The following RNGTT variants were observed in gnomAD, a reference collection of about 807,000 sequenced individuals.
RNGTT encodes the protein mRNA-capping enzyme.
RNGTT carries 33 observed loss-of-function variants against 79.3 expected under a neutral mutation model. That is an observed-to-expected ratio of 0.42 (90% CI 0.32 to 0.56). The LOEUF is 0.56. RNGTT is among the 20% of genes least tolerant of loss of function. The pLI is 0.17. For missense variants in RNGTT, 497 were observed against 739.1 expected (o/e 0.67, Z 3.80); for synonymous variants, 222 against 235.9 (o/e 0.94, Z 0.54).
chr6:88,742,463 T>C (rs1014613994), intron 13 of RNGTT, among the ~76,000 whole-genome samples: 1 of 152,242 alleles, frequency 6.6e-6, no homozygotes, highest in Non-Finnish European at 1.5e-5. Context: ...AGTTAACATA[T>C]CATGATAGCT....
chr6:88,658,500 A>G (rs1337019195), intron 14 of RNGTT, among the ~76,000 whole-genome samples: 1 of 152,222 alleles, frequency 6.6e-6, no homozygotes, highest in Non-Finnish European at 1.5e-5. Context: ...GGGCAATAGT[A>G]ATCATTGCAA....
chr6:88,942,750 T>C (rs1474185280), intron 1 of RNGTT, among the ~76,000 whole-genome samples: 1 of 152,182 alleles, frequency 6.6e-6, no homozygotes, highest in Admixed American at 6.5e-5. Flanking sequence ...TTAAGCTAAA[T>C]TTCATGAAAA....
At chr6:88,736,468 ATAAC>A (rs1246583222) in intron 13 of RNGTT, among the ~76,000 whole-genome samples, 3 of 152,218 alleles carry the variant, frequency 2.0e-5, no homozygotes, top group African/African-American at 4.8e-5. Context: ...CAGGAGAATG[ATAAC>A]TAACTTCTCT....
intron 14 of RNGTT, among the ~76,000 whole-genome samples, chr6:88,668,256 C>T (rs1403594045): frequency 2.6e-5 from 4 of 152,106 alleles, no homozygotes; most frequent in African/African-American, 9.7e-5. Context: ...GGAATTCCGG[C>T]CTGGATCCAC....
intron 13 of RNGTT, among the ~76,000 whole-genome samples, chr6:88,685,848 C>T (rs1397252891): frequency 6.6e-6 from 1 of 151,686 alleles, no homozygotes; most frequent in East Asian, 1.9e-4. Context: ...AGGAAACACA[C>T]TTAATGGGGA....
chr6:88,794,175 C>A (rs1292909809), intron 12 of RNGTT, among the ~76,000 whole-genome samples: 3 of 152,106 alleles, frequency 2.0e-5, no homozygotes, highest in African/African-American at 7.2e-5. Flanking sequence ...AACCAGAGAC[C>A]ACTCCTAACC....
chr6:88,868,902 AT>A (rs1396388530), intron 8 of RNGTT, among the ~76,000 whole-genome samples: 1 of 152,156 alleles, frequency 6.6e-6, no homozygotes, highest in African/African-American at 2.4e-5. Flanking sequence ...TCAGAAAAAA[AT>A]TTTACTGAAA....
chr6:88,928,975 C>T lies in RNGTT; in HGVS notation c.367+10G>A. 1 of 1,586,798 alleles carries T rather than the reference C, an allele frequency of 6.3e-7. No individual in the cohort carries two copies. Among genetic ancestry groups the T allele is most frequent in the Non-Finnish European group, 8.6e-7 (1 of 1,166,366 alleles). On this transcript the variant is annotated intron_variant, in intron 4 of 15. Coordinates refer to ENST00000369485, the MANE Select transcript of RNGTT (RefSeq NM_003800.5). ...AATATTCAACAGTGGCAAAGTAAAGCCAAACATACCTATAAGTTCAGGTGG... is the reference window on the plus strand; with the variant it reads ...AATATTCAACAGTGGCAAAGTAAAGTCAAACATACCTATAAGTTCAGGTGG...
intron 6 of RNGTT, among the ~76,000 whole-genome samples, chr6:88,894,540 T>C (rs1783164128): frequency 6.6e-6 from 1 of 152,118 alleles, no homozygotes; most frequent in South Asian, 2.1e-4. Flanking sequence ...CTGCCCCATT[T>C]ACAAACATGG....
intron 11 of RNGTT, among the ~76,000 whole-genome samples, chr6:88,815,738 A>G (rs1780294028): frequency 6.6e-6 from 1 of 152,206 alleles, no homozygotes; most frequent in South Asian, 2.1e-4. Context: ...TTCTCTGTTA[A>G]TGAGTAAAGT....
chr6:88,913,281 T>C (rs906333259), intron 4 of RNGTT, among the ~76,000 whole-genome samples: 1 of 142,700 alleles, frequency 7.0e-6, no homozygotes, highest in Non-Finnish European at 1.5e-5. Flanking sequence ...CTACCAGAGA[T>C]ACAAAGAAGA....
chr6:88,871,537 C>CTAGAT (rs968250877), intron 8 of RNGTT, among the ~76,000 whole-genome samples: 1 of 152,010 alleles, frequency 6.6e-6, no homozygotes, highest in East Asian at 1.9e-4. Flanking sequence ...ACCTCTTGGG[C>CTAGAT]TAGATTAGAT....
At chr6:88,713,365 C>T (rs1776385212) in intron 13 of RNGTT, among the ~76,000 whole-genome samples, 1 of 151,934 alleles carries the variant, frequency 6.6e-6, no homozygotes, top group Non-Finnish European at 1.5e-5. Context: ...TTAAGTTACC[C>T]AGTCTATGGT....
At chr6:88,875,689 G>A (rs1442431113) in intron 8 of RNGTT, among the ~76,000 whole-genome samples, 1 of 152,026 alleles carries the variant, frequency 6.6e-6, no homozygotes, top group Non-Finnish European at 1.5e-5. Context: ...TCTATGTAAA[G>A]TACTCAGAAC....
At chr6:88,837,690 A>T (rs1275041264) in intron 11 of RNGTT, among the ~76,000 whole-genome samples, 2 of 152,154 alleles carry the variant, frequency 1.3e-5, no homozygotes, top group African/African-American at 4.8e-5. Context: ...AATTCCTGAG[A>T]TAAACAGATC....
At chr6:88,735,432 C>A (rs1415389036) in intron 13 of RNGTT, among the ~76,000 whole-genome samples, 1 of 151,796 alleles carries the variant, frequency 6.6e-6, no homozygotes, top group Non-Finnish European at 1.5e-5. Flanking sequence ...TTCTGGGCCA[C>A]AAAATACACC....
intron 8 of RNGTT, among the ~76,000 whole-genome samples, chr6:88,856,695 T>G (rs968995244): frequency 6.6e-6 from 1 of 152,166 alleles, no homozygotes; most frequent in Non-Finnish European, 1.5e-5. Flanking sequence ...ATTTTTAGTT[T>G]GAACTCCAGT....
At chr6:88,645,695 T>C (rs1773521839) in intron 14 of RNGTT, among the ~76,000 whole-genome samples, 1 of 151,986 alleles carries the variant, frequency 6.6e-6, no homozygotes. Flanking sequence ...TCAGAAATAA[T>C]ACCACACATC....
intron 1 of RNGTT, among the ~76,000 whole-genome samples, chr6:88,954,406 G>GA (rs1466492311): frequency 6.6e-6 from 1 of 151,912 alleles, no homozygotes; most frequent in Non-Finnish European, 1.5e-5. Flanking sequence ...ATTATATAAT[G>GA]AAAAAAAGGA....
Sources: allele counts gnomAD v4.1 joint callset (sites outside exome capture counted in the v4.1 genomes callset), GRCh38; gene constraint gnomAD v4.1.1; transcripts MANE v1.5; gene names NCBI Gene and HGNC (gene_info 2026-07-23, HGNC 2026-07-21).